Variants in UBE2E2 observed in about 807,000 individuals in gnomAD.
UBE2E2 encodes the protein ubiquitin-conjugating enzyme E2 E2.
In UBE2E2, 6 loss-of-function variants were observed where a neutral mutation model predicts 24.7. The ratio of observed to expected loss-of-function variants is 0.24; its 90% CI spans 0.13 to 0.48. The LOEUF (loss-of-function observed/expected upper bound fraction) is 0.48. Among genes scored for constraint, UBE2E2 ranks in the 20% least tolerant of loss-of-function variants. The pLI is 0.99. For synonymous variants in UBE2E2, 104 were observed against 83.6 expected (o/e 1.24, Z -1.33); for missense variants, 169 against 245.0 (o/e 0.69, Z 2.07).
At chr3:23,323,198 T>A (rs1355029876) in intron 3 of UBE2E2, among the ~76,000 whole-genome samples, 1 of 152,134 alleles carries the variant, frequency 6.6e-6, no homozygotes, top group Non-Finnish European at 1.5e-5. Context: ...GAAGGTAGGT[T>A]GGACAGCTTT....
At chr3:23,447,697 A>G (rs967442593) in intron 3 of UBE2E2, among the ~76,000 whole-genome samples, 11 of 152,220 alleles carry the variant, frequency 7.2e-5, no homozygotes, top group Non-Finnish European at 1.6e-4. Context: ...AGTGTGATAT[A>G]TAGCAAACAT....
chr3:23,441,242 C>G (rs967432133), intron 3 of UBE2E2, among the ~76,000 whole-genome samples: 1 of 151,804 alleles, frequency 6.6e-6, no homozygotes, highest in Middle Eastern at 3.4e-3. Context: ...GAAGGAAGGC[C>G]GGGCGCAGTG....
intron 5 of UBE2E2, among the ~76,000 whole-genome samples, chr3:23,540,152 C>G (rs1023113048): frequency 1.3e-5 from 2 of 151,820 alleles, no homozygotes; most frequent in Non-Finnish European, 2.9e-5. Context: ...CAGCTTCGAA[C>G]TCCTGCACTC....
At position 23,280,763 on chromosome 3, in the gene UBE2E2, C is replaced by G. The variant is rs1698474960; in HGVS notation, c.227+63451C>G. ...TAGCCTCTATGTTTCTTACTCACTT[C>G]TGTTTTTACTGATTCTGCTTTTTTC... is the stretch of plus-strand genomic sequence containing the variant. On this transcript the variant is annotated intron_variant, in intron 3 of 5. Transcript: ENST00000396703. The surrounding 1 kb of genome is among the most constrained non-coding windows in gnomAD (Gnocchi z 4.3). Among the ~76,000 whole-genome samples, 1 of 152,210 alleles carries G rather than the reference C, an allele frequency of 6.6e-6. No individual in the cohort carries two copies. The highest frequency in any genetic ancestry group is 1.9e-4 in the East Asian group (1 of 5,196).
chr3:23,460,350 C>T lies in UBE2E2; in HGVS notation c.228-39258C>T, dbSNP rs114185149. Among the ~76,000 whole-genome samples the T allele has an allele frequency of 1.3e-3, 202 of 152,334 alleles. 1 individual carries two copies. Among genetic ancestry groups the T allele is most frequent in the African/African-American group, 4.4e-3 (184 of 41,580 alleles). Reference sequence around the variant, plus strand: ...CGCTTTTTGCCTACCATACAGAATGCTTATCACAGAAGTGTTATTGCTTAG... The same window carrying T: ...CGCTTTTTGCCTACCATACAGAATGTTTATCACAGAAGTGTTATTGCTTAG... On this transcript the variant is annotated intron_variant, in intron 3 of 5. Coordinates refer to ENST00000396703, the MANE Select transcript of UBE2E2 (RefSeq NM_152653.4).
At chr3:23,373,811 T>C (rs1215021563) in intron 3 of UBE2E2, among the ~76,000 whole-genome samples, 1 of 152,198 alleles carries the variant, frequency 6.6e-6, no homozygotes, top group African/African-American at 2.4e-5. Flanking sequence ...TGGTAAATTA[T>C]ATGGTCACTA....
At chr3:23,427,338 G>A (rs963223903) in intron 3 of UBE2E2, among the ~76,000 whole-genome samples, 9 of 151,956 alleles carry the variant, frequency 5.9e-5, no homozygotes, top group Non-Finnish European at 1.0e-4. Flanking sequence ...GCAGAGGCAG[G>A]AAGGTGATTT....
At chr3:23,507,904 C>T (rs890748340) in intron 4 of UBE2E2, among the ~76,000 whole-genome samples, 13 of 152,160 alleles carry the variant, frequency 8.5e-5, no homozygotes, top group Non-Finnish European at 1.9e-4. Flanking sequence ...GGCTTTTCTT[C>T]AATATGTTTC....
At chr3:23,310,453 CT>C (rs1694345251) in intron 3 of UBE2E2, among the ~76,000 whole-genome samples, 1 of 151,924 alleles carries the variant, frequency 6.6e-6, no homozygotes, top group Non-Finnish European at 1.5e-5. Flanking sequence ...CATGTTTAGA[CT>C]GAAATAGAGA....
chr3:23,343,524 C>T (rs1374048653), intron 3 of UBE2E2, among the ~76,000 whole-genome samples: 1 of 127,258 alleles, frequency 7.9e-6, no homozygotes, highest in Non-Finnish European at 1.7e-5. Context: ...TGCAGTGAGC[C>T]GAGATGGCGC....
Position 23,589,867 on chromosome 3 carries a change from A to G in UBE2E2, c.*36A>G. ...CCTGCCGCCCCGCGGGACCTGTGCAAGCACATTCACCAAGTGCATCGGTAG... is the reference window on the plus strand; with the variant it reads ...CCTGCCGCCCCGCGGGACCTGTGCAGGCACATTCACCAAGTGCATCGGTAG... On this transcript the variant is annotated 3_prime_UTR_variant, in exon 6 of 6. Coordinates refer to ENST00000396703, the MANE Select transcript of UBE2E2 (RefSeq NM_152653.4). This position sits in a 1 kb window ranked among gnomAD's most constrained non-coding sequence, Gnocchi z 4.1. The G allele has an allele frequency of 1.9e-6, 3 of 1,608,138 alleles. No individual in the cohort carries two copies. The highest frequency in any genetic ancestry group is 2.6e-6 in the Non-Finnish European group (3 of 1,175,086).
At chr3:23,507,118 C>T (rs1450881460) in intron 4 of UBE2E2, among the ~76,000 whole-genome samples, 2 of 152,200 alleles carry the variant, frequency 1.3e-5, no homozygotes, top group Admixed American at 6.5e-5. Flanking sequence ...ACAAGCCTTT[C>T]CATTTGTTCT....
At chr3:23,260,879 G>A (rs1697878649) in intron 3 of UBE2E2, among the ~76,000 whole-genome samples, 1 of 152,132 alleles carries the variant, frequency 6.6e-6, no homozygotes. Flanking sequence ...GCTGAGGTGG[G>A]CGGATCACTT....
chr3:23,315,810 C>G, intron 3 of UBE2E2, among the ~76,000 whole-genome samples: 1 of 151,964 alleles, frequency 6.6e-6, no homozygotes, highest in African/African-American at 2.4e-5. Context: ...TTTGTAGTCC[C>G]TGCAACTGTA....
intron 3 of UBE2E2, among the ~76,000 whole-genome samples, chr3:23,316,837 G>A (rs1694595117): frequency 6.6e-6 from 1 of 151,958 alleles, no homozygotes; most frequent in Non-Finnish European, 1.5e-5. Flanking sequence ...TGACAGGACT[G>A]GGTGCTTCTC....
At chr3:23,397,000 TC>T (rs1026055847) in intron 3 of UBE2E2, among the ~76,000 whole-genome samples, 12 of 152,190 alleles carry the variant, frequency 7.9e-5, no homozygotes, top group African/African-American at 2.6e-4. Context: ...AGTGGCTAAC[TC>T]CCATTACATC....
intron 3 of UBE2E2, among the ~76,000 whole-genome samples, chr3:23,296,301 T>A (rs1158860654): frequency 6.6e-6 from 1 of 152,188 alleles, no homozygotes; most frequent in African/African-American, 2.4e-5. Context: ...TAGTGTTTCT[T>A]TTTTCTTTTT....
intron 3 of UBE2E2, among the ~76,000 whole-genome samples, chr3:23,342,056 G>T (rs1424406925): frequency 6.6e-6 from 1 of 152,200 alleles, no homozygotes; most frequent in Non-Finnish European, 1.5e-5. Context: ...GTTTACAGTG[G>T]AGACTTTGAA....
chr3:23,493,112 A>T (rs919352864), intron 3 of UBE2E2, among the ~76,000 whole-genome samples: 1 of 152,192 alleles, frequency 6.6e-6, no homozygotes. Flanking sequence ...TGGAGCCAGA[A>T]TCCCAACATT....
Sources: gnomAD v4.1 joint callset for allele counts (sites outside exome capture counted in the v4.1 genomes callset) on GRCh38, gnomAD v4.1.1 for gene constraint, Gnocchi (gnomAD v3.1) non-coding constraint, MANE v1.5 for transcripts, NCBI Gene and HGNC (gene_info 2026-07-23, HGNC 2026-07-21) for gene names.